ZNF605: variants seen among roughly 807,000 people sequenced by gnomAD.
The protein encoded by ZNF605 is zinc finger protein 605.
ZNF605 carries 9 observed loss-of-function variants against 7.9 expected under a neutral mutation model. The ratio of observed to expected loss-of-function variants is 1.14; its 90% CI spans 0.68 to 1.98. The LOEUF (loss-of-function observed/expected upper bound fraction) is 1.98. Among genes scored for constraint, ZNF605 ranks in the 30% most tolerant of loss-of-function variants. ZNF605 has a pLI of 0.00. For missense variants in ZNF605, 673 were observed against 762.4 expected (o/e 0.88, Z 1.38); for synonymous variants, 255 against 260.1 (o/e 0.98, Z 0.19).
chr12:132,938,459 C>T (rs943472802), intron 3 of ZNF605, among the ~76,000 whole-genome samples: 1 of 152,056 alleles, frequency 6.6e-6, no homozygotes, highest in African/African-American at 2.4e-5. Context: ...CGCCACCACA[C>T]CCTGCTAATT....
rs1952181345 is a variant in ZNF605, at chr12:132,919,118, T to TGAGCAC, written c.*6249_*6254dup. ...CCATTGCCTAACTGCTCCTTTCACATGAGCACGCACTAATGAAAATAAAAA... is the reference window on the plus strand; with the variant it reads ...CCATTGCCTAACTGCTCCTTTCACATGAGCACGAGCACGCACTAATGAAAATAAAAA... On this transcript the variant is annotated 3_prime_UTR_variant, in exon 5 of 5. Transcript: ENST00000360187. 6.6e-6 allele frequency: 1 copy of TGAGCAC among 152,260 alleles called. No homozygotes were observed. Among genetic ancestry groups the TGAGCAC allele is most frequent in the Non-Finnish European group, 1.5e-5 (1 of 68,054 alleles). 9.4% of individuals were successfully genotyped at this position (152,260 alleles called of 1,614,324 possible). A position where few individuals can be genotyped will look rare whatever the true frequency, so the allele number is the denominator to read the frequency against.
At chr12:132,942,867 C>T (rs1952457325) in intron 3 of ZNF605, among the ~76,000 whole-genome samples, 2 of 152,204 alleles carry the variant, frequency 1.3e-5, no homozygotes, top group South Asian at 4.1e-4. Flanking sequence ...ACTGCTGAGG[C>T]CATGTTCAGT....
chr12:132,935,755 T>C (rs1228960917), intron 3 of ZNF605, among the ~76,000 whole-genome samples: 4 of 151,616 alleles, frequency 2.6e-5, no homozygotes, highest in Middle Eastern at 3.5e-3. Context: ...TAGCCGGGCA[T>C]GGTGGTGGGC....
chr12:132,949,565 C>A (rs932495428), intron 1 of ZNF605, among the ~76,000 whole-genome samples: 33 of 152,178 alleles, frequency 2.2e-4, no homozygotes, highest in Non-Finnish European at 4.6e-4. Context: ...AGGCTGGTCC[C>A]CAACAGTATC....
intron 3 of ZNF605, among the ~76,000 whole-genome samples, chr12:132,935,749 C>T (rs1205020002): frequency 2.0e-5 from 3 of 151,724 alleles, no homozygotes; most frequent in African/African-American, 4.8e-5. Context: ...AAAAATTAGC[C>T]GGGCATGGTG....
chr12:132,930,848 C>T (rs1276970827), intron 4 of ZNF605, among the ~76,000 whole-genome samples: 2 of 152,118 alleles, frequency 1.3e-5, no homozygotes, highest in East Asian at 1.9e-4. Flanking sequence ...ATCTGTAACC[C>T]GAAATATTTC....
rs1371669511 is a variant in ZNF605, at chr12:132,952,714, AG to A, written c.-286+3528del. ...CAAACAGCAAGGGGGAAATTCTACA[AG>A]GAGAAGACCTTAAGGCCAACGGGGT... On this transcript the variant is annotated intron_variant, in intron 1 of 4. Transcript: ENST00000360187. Among the ~76,000 whole-genome samples, 565 of 152,074 alleles carry A rather than the reference AG, an allele frequency of 3.7e-3. 2 individuals carry two copies. Among genetic ancestry groups the A allele is most frequent in the African/African-American group, 0.012 (517 of 41,472 alleles).
chr12:132,948,677 G>C (rs971861996), intron 1 of ZNF605: 3 of 152,416 alleles, frequency 2.0e-5, no homozygotes, highest in Non-Finnish European at 4.4e-5. Context: ...TGCCTCAAAT[G>C]AGGGAGGAAA....
intron 4 of ZNF605, 52 bp from the exon 5 acceptor site, chr12:132,927,214 C>CAATAAGCATAA: frequency 6.7e-6 from 9 of 1,337,186 alleles, no homozygotes; most frequent in Non-Finnish European, 8.9e-6. Flanking sequence ...AATTATTATG[C>CAATAAGCATAA]TTATTGCATA....
Position 132,926,642 on chromosome 12 carries a change from G to C in ZNF605, c.657C>G (p.His219Gln). The change falls in exon 5 of 5, where the codon CAC (histidine) becomes CAG (glutamine). Residue 219 changes from histidine to glutamine, a missense_variant. His to Gln is a conservative substitution (Grantham distance 24). Coordinates refer to ENST00000360187, the MANE Select transcript of ZNF605 (RefSeq NM_183238.4). Reference protein sequence around the residue: ...KSLLTVHQRTHSGEKPHGCSE... With the variant: ...KSLLTVHQRTQSGEKPHGCSE... ...TGCACCCATGCGGTTTTTCTCCTGA[G>C]TGAGTTCTTTGATGAACCGTGAGCA... The C allele has an allele frequency of 6.2e-7, 1 of 1,614,134 alleles. No homozygotes were observed. Among genetic ancestry groups the C allele is most frequent in the Non-Finnish European group, 8.5e-7 (1 of 1,180,034 alleles).
rs906205639 is a variant in ZNF605 at position 132,947,998 on chromosome 12, C to T, written c.-163+150G>A. 3.3e-5 allele frequency: 5 copies of T among 152,252 alleles called. No individual in the cohort carries two copies. The East Asian group carries it at 9.6e-4, about 29-fold the overall frequency. The allele number at this position is 152,252 out of a possible 1,614,324, so 9.4% of individuals were successfully genotyped here. A position where few individuals can be genotyped will look rare whatever the true frequency, so the allele number is the denominator to read the frequency against. Reference sequence around the variant, plus strand: ...AAGGAAAGTGCAGGCGGTATCTTTTCCAGTTTTAAAAACTTTTAAAACTTT... The same window carrying T: ...AAGGAAAGTGCAGGCGGTATCTTTTTCAGTTTTAAAAACTTTTAAAACTTT... On this transcript the variant is annotated intron_variant, in intron 2 of 4. Transcript: ENST00000360187.
At chr12:132,953,273 A>T (rs756432897) in intron 1 of ZNF605, among the ~76,000 whole-genome samples, 9 of 152,180 alleles carry the variant, frequency 5.9e-5, no homozygotes, top group Non-Finnish European at 1.2e-4. Context: ...CAGGGCCTTC[A>T]GAGACACACA....
Position 132,922,407 on chromosome 12 carries a change from T to G in ZNF605, c.*2966A>C, listed in dbSNP as rs779259316. ...AACAATCTCCAGAGCCACTGACATA[T>G]GCAGCAGAAAAGCACAAAGAACTTT... is the stretch of plus-strand genomic sequence containing the variant. On this transcript the variant is annotated 3_prime_UTR_variant, in exon 5 of 5. Transcript: ENST00000360187. 5 of 152,214 alleles carry G rather than the reference T, an allele frequency of 3.3e-5. No homozygotes were observed. The highest frequency in any genetic ancestry group is 7.3e-5 in the Non-Finnish European group (5 of 68,040). 9.4% of individuals were successfully genotyped at this position (152,214 alleles called of 1,614,324 possible).
intron 3 of ZNF605, among the ~76,000 whole-genome samples, chr12:132,939,574 T>C (rs1336443885): frequency 6.6e-6 from 1 of 152,094 alleles, no homozygotes; most frequent in Admixed American, 6.6e-5. Context: ...AGAACCTTTG[T>C]ATCTAGCTCA....
chr12:132,943,483 G>A (rs1952466705), intron 3 of ZNF605, among the ~76,000 whole-genome samples: 1 of 152,162 alleles, frequency 6.6e-6, no homozygotes, highest in Admixed American at 6.6e-5. Flanking sequence ...TGCACGGCCA[G>A]CACACTCTGG....
intron 1 of ZNF605, among the ~76,000 whole-genome samples, chr12:132,952,088 G>A (rs989863122): frequency 2.2e-4 from 34 of 152,094 alleles, no homozygotes; most frequent in Non-Finnish European, 1.9e-4. Context: ...CACTCAACAA[G>A]ATGTACGGTG....
intron 2 of ZNF605, among the ~76,000 whole-genome samples, chr12:132,947,019 GTT>G (rs55636931): frequency 0.035 from 5,316 of 150,310 alleles, 111 homozygotes; most frequent in Non-Finnish European, 0.046. Flanking sequence ...TTTTTTTTTG[GTT>G]TTTTTTTTGA....
At position 132,923,679 on chromosome 12, in the gene ZNF605, T is replaced by G. The variant is rs1229706819; in HGVS notation, c.*1694A>C. Reference sequence around the variant, plus strand: ...TGCACTGCTGTGATGTAAATTATGTTTATTCTACTTCAGGTCATTTGAGCT... The same window carrying G: ...TGCACTGCTGTGATGTAAATTATGTGTATTCTACTTCAGGTCATTTGAGCT... On this transcript the variant is annotated 3_prime_UTR_variant, in exon 5 of 5. Coordinates refer to ENST00000360187, the MANE Select transcript of ZNF605 (RefSeq NM_183238.4). The G allele has an allele frequency of 6.6e-6, 1 of 152,176 alleles. No homozygotes were observed. Among genetic ancestry groups the G allele is most frequent in the African/African-American group, 2.4e-5 (1 of 41,444 alleles). The allele number at this position is 152,176 out of a possible 1,614,324, so 9.4% of individuals were successfully genotyped here.
rs1952207111 is a variant in ZNF605, at chr12:132,921,702, T to C, written c.*3671A>G. 2 of 152,182 alleles carry C rather than the reference T, an allele frequency of 1.3e-5. No individual in the cohort carries two copies. The highest frequency in any genetic ancestry group is 2.1e-4 in the South Asian group (1 of 4,834). The allele number at this position is 152,182 out of a possible 1,614,324, so 9.4% of individuals were successfully genotyped here. ...AAAACATGTATAAAAATCTTCGAAA[T>C]GCAGGTTAAAATGCAAATCCAAGTG... On this transcript the variant is annotated 3_prime_UTR_variant, in exon 5 of 5. Coordinates refer to ENST00000360187, the MANE Select transcript of ZNF605 (RefSeq NM_183238.4).
Sources: allele counts gnomAD v4.1 joint callset (sites outside exome capture counted in the v4.1 genomes callset), GRCh38; gene constraint gnomAD v4.1.1; transcripts MANE v1.5; gene names NCBI Gene and HGNC (gene_info 2026-07-23, HGNC 2026-07-21).